Variants in SPICE1 observed in about 807,000 individuals in gnomAD.
SPICE1 encodes spindle and centriole associated protein 1, also known as spindle and centriole-associated protein 1.
In SPICE1, 75 loss-of-function variants were observed where a neutral mutation model predicts 102.7. The observed-to-expected ratio is 0.73, with a 90% CI of 0.61 to 0.88. SPICE1 has a LOEUF of 0.88. SPICE1 is among the 40% of genes least tolerant of loss of function. The pLI is 0.00. For missense variants in SPICE1, 979 were observed against 1,020.1 expected, an observed-to-expected ratio of 0.96 and a Z score of 0.55; for synonymous variants, 308 against 350.3, an observed-to-expected ratio of 0.88 and a Z score of 1.35.
At position 113,445,151 on chromosome 3, in the gene SPICE1, C is replaced by A. The variant is rs969590269; in HGVS notation, c.*156G>T. On this transcript the variant is annotated 3_prime_UTR_variant, in exon 18 of 18. Coordinates refer to ENST00000295872, the MANE Select transcript of SPICE1 (RefSeq NM_144718.4). Reference sequence around the variant, plus strand: ...TTGTTGAAAACTTATTTGAGAAAGTCAAAAAATAATTGCTTTATTTCTCTG... The same window carrying A: ...TTGTTGAAAACTTATTTGAGAAAGTAAAAAAATAATTGCTTTATTTCTCTG... 1.1e-5 allele frequency: 6 copies of A among 530,444 alleles called. No homozygotes were observed. The highest frequency in any genetic ancestry group is 7.8e-5 in the African/African-American group (4 of 51,320). 32.9% of individuals were successfully genotyped at this position (530,444 alleles called of 1,614,324 possible). A position where few individuals can be genotyped will look rare whatever the true frequency, so the allele number is the denominator to read the frequency against.
rs397874895 is a variant in SPICE1, at chr3:113,450,525, G to GA, written c.2143-10dup. On this transcript the variant is annotated splice_polypyrimidine_tract_variant and intron_variant, in intron 14 of 17. Transcript: ENST00000295872. ...TGTGCTACTGGAAAAGTCTTTGGGA[G>GA]AAAAAAAAAAAAAGTACAAATTGAA... 0.13 allele frequency: 127,671 copies of GA among 1,012,942 alleles called. 98 individuals carry two copies. Among genetic ancestry groups the GA allele is most frequent in the Non-Finnish European group, 0.13 (98,068 of 738,928 alleles). 62.7% of individuals were successfully genotyped at this position (1,012,942 alleles called of 1,614,324 possible). A position where few individuals can be genotyped will look rare whatever the true frequency, so the allele number is the denominator to read the frequency against.
Position 113,460,780 on chromosome 3 carries a change from T to C in SPICE1, c.1288-16A>G. 2 of 1,569,908 alleles carry C rather than the reference T, an allele frequency of 1.3e-6. No individual in the cohort carries two copies. Among genetic ancestry groups the C allele is most frequent in the Non-Finnish European group, 1.7e-6 (2 of 1,162,764 alleles). ...GAAGTCTTGCCTGGGGAGGAAAACA[T>C]ATGAAATAATATTATTAGCATATCA... On this transcript the variant is annotated splice_polypyrimidine_tract_variant and intron_variant, in intron 11 of 17. Coordinates refer to ENST00000295872, the MANE Select transcript of SPICE1 (RefSeq NM_144718.4).
At chr3:113,486,920 A>G (rs1270286817) in intron 7 of SPICE1, among the ~76,000 whole-genome samples, 4 of 151,356 alleles carry the variant, frequency 2.6e-5, no homozygotes. Context: ...CAGAAAGAAT[A>G]AATTTAAAAA....
intron 7 of SPICE1, among the ~76,000 whole-genome samples, chr3:113,481,846 C>T (rs1576637629): frequency 1.3e-5 from 2 of 152,202 alleles, no homozygotes; most frequent in Admixed American, 1.3e-4. Flanking sequence ...TTCCAAGTCT[C>T]TGTTATTGTG....
chr3:113,507,658 T>A (rs986986451), intron 1 of SPICE1, among the ~76,000 whole-genome samples: 2 of 152,114 alleles, frequency 1.3e-5, no homozygotes, highest in African/African-American at 4.8e-5. Flanking sequence ...AGAAAACAAG[T>A]CACATACAAG....
In SPICE1 at chr3:113,453,851, A is replaced by T; in HGVS notation, c.1757T>A (p.Ile586Asn). The T allele has an allele frequency of 6.2e-7, 1 of 1,614,232 alleles. No homozygotes were observed. Among genetic ancestry groups the T allele is most frequent in the South Asian group, 1.1e-5 (1 of 91,080 alleles). Residue 586 changes from isoleucine to asparagine, a missense_variant, in exon 14 of 18, where the codon ATT becomes AAT. Physicochemically the swap from Ile to Asn is moderately radical, Grantham distance 149. Transcript: ENST00000295872. ...EQNWEEKTLP[I>N]DTDIQNSSEE... Reference sequence around the variant, plus strand: ...ACTTGAATTCTGAATGTCTGTATCAATAGGTAAGGTCTTCTCTTCCCAATT... The same window carrying T: ...ACTTGAATTCTGAATGTCTGTATCATTAGGTAAGGTCTTCTCTTCCCAATT...
At chr3:113,468,096 A>G (rs771015824) in intron 10 of SPICE1, 43 bp downstream of exon 10, 7 of 1,567,330 alleles carry the variant, frequency 4.5e-6, no homozygotes, top group African/African-American at 4.1e-5. Flanking sequence ...AAACTCATGC[A>G]TTTCTGCCTG....
intron 7 of SPICE1, among the ~76,000 whole-genome samples, chr3:113,479,216 A>G (rs1936434942): frequency 6.8e-6 from 1 of 147,964 alleles, no homozygotes; most frequent in Admixed American, 6.9e-5. Flanking sequence ...ATGAGTGAGA[A>G]CATGTGGTGT....
intron 9 of SPICE1, 66 bp from the exon 10 acceptor site, chr3:113,468,470 A>C: frequency 2.6e-6 from 4 of 1,519,688 alleles, no homozygotes; most frequent in Non-Finnish European, 3.6e-6. Context: ...ACTACTAGAA[A>C]AATCTTTTGA....
chr3:113,447,993 C>G (rs748111871), intron 16 of SPICE1, 45 bp downstream of exon 16: 2 of 1,517,934 alleles, frequency 1.3e-6, no homozygotes, highest in South Asian at 2.5e-5. Flanking sequence ...ATACCAAATT[C>G]TTTTTGATTT....
In SPICE1 at chr3:113,503,234, A is replaced by T; in HGVS notation, c.100-7T>A. 2.5e-6 allele frequency: 4 copies of T among 1,571,434 alleles called. No individual in the cohort carries two copies. In the African/African-American group the frequency reaches 4.2e-5, roughly 16 times the overall value. Reference sequence around the variant, plus strand: ...TTAGATCAGTCACGGTATTCTGTAAAAAAAGGTGGCCTTTCTTTAAAAAAA... The same window carrying T: ...TTAGATCAGTCACGGTATTCTGTAATAAAAGGTGGCCTTTCTTTAAAAAAA... On this transcript the variant is annotated splice_polypyrimidine_tract_variant and splice_region_variant and intron_variant, in intron 2 of 17. Coordinates refer to ENST00000295872, the MANE Select transcript of SPICE1 (RefSeq NM_144718.4).
At chr3:113,513,354 T>C (rs1464850401) in intron 1 of SPICE1, among the ~76,000 whole-genome samples, 2 of 152,134 alleles carry the variant, frequency 1.3e-5, no homozygotes, top group Admixed American at 6.5e-5. Context: ...GAGGCTGCAG[T>C]GAGCTACGAT....
intron 7 of SPICE1, among the ~76,000 whole-genome samples, chr3:113,487,262 G>GA (rs1445483386): frequency 3.3e-5 from 5 of 152,062 alleles, no homozygotes; most frequent in Non-Finnish European, 5.9e-5. Flanking sequence ...TTGGAGACAT[G>GA]CTGCTCAGTG....
At chr3:113,491,846 T>C (rs919587945) in intron 6 of SPICE1, among the ~76,000 whole-genome samples, 1 of 152,266 alleles carries the variant, frequency 6.6e-6, no homozygotes, top group Admixed American at 6.5e-5. Context: ...ATTAGTTGTA[T>C]CAGTAACATT....
At chr3:113,471,294 A>C (rs892229545) in intron 7 of SPICE1, among the ~76,000 whole-genome samples, 1 of 152,166 alleles carries the variant, frequency 6.6e-6, no homozygotes, top group Admixed American at 6.5e-5. Flanking sequence ...ATGCAATCAC[A>C]TATTTTTTAA....
At chr3:113,447,193 T>A (rs536679747) in intron 16 of SPICE1, among the ~76,000 whole-genome samples, 8 of 152,328 alleles carry the variant, frequency 5.3e-5, no homozygotes, top group Non-Finnish European at 7.3e-5. Flanking sequence ...TATGTTTTTA[T>A]CAGCAACATG....
At chr3:113,485,512 C>T (rs1022726326) in intron 7 of SPICE1, among the ~76,000 whole-genome samples, 6 of 152,042 alleles carry the variant, frequency 3.9e-5, no homozygotes, top group African/African-American at 9.7e-5. Context: ...AAAGCTGCTG[C>T]GGCCAGACTG....
intron 7 of SPICE1, among the ~76,000 whole-genome samples, chr3:113,473,258 C>A (rs919143832): frequency 6.6e-6 from 1 of 152,278 alleles, no homozygotes; most frequent in East Asian, 1.9e-4. Context: ...AAGAAACGAA[C>A]AAAGCCTCCA....
chr3:113,468,551 T>A, intron 9 of SPICE1, 147 bp from the exon 10 acceptor site: 2 of 1,138,858 alleles, frequency 1.8e-6, no homozygotes, highest in Non-Finnish European at 2.5e-6. Flanking sequence ...TTAAACAGTT[T>A]AAACCAGATT....
Sources: allele counts gnomAD v4.1 joint callset (sites outside exome capture counted in the v4.1 genomes callset), GRCh38; gene constraint gnomAD v4.1.1; transcripts MANE v1.5; gene names NCBI Gene and HGNC (gene_info 2026-07-23, HGNC 2026-07-21).